PRDM16: variants seen among roughly 807,000 people sequenced by gnomAD.
PRDM16 encodes PR/SET domain 16, also known as histone-lysine N-methyltransferase PRDM16.
Under a neutral mutation model 110.6 loss-of-function variants are expected in PRDM16, and 23 were observed. The observed-to-expected ratio is 0.21, with a 90% CI of 0.15 to 0.29. The LOEUF (loss-of-function observed/expected upper bound fraction) is 0.29. Among genes scored for constraint, PRDM16 ranks in the 10% least tolerant of loss-of-function variants. The pLI is 1.00. For missense variants in PRDM16, 1,615 were observed against 1,794.3 expected (o/e 0.90, Z 1.81); for synonymous variants, 799 against 781.8 (o/e 1.02, Z -0.37).
chr1:3,129,380 C>T (rs534333100), intron 1 of PRDM16, among the ~76,000 whole-genome samples: 3 of 107,668 alleles, frequency 2.8e-5, no homozygotes, highest in Admixed American at 8.3e-5. Context: ...TGTGTGGGTG[C>T]GTGTGCACGT....
chr1:3,310,593 T>G (rs753818864), intron 3 of PRDM16, among the ~76,000 whole-genome samples: 39 of 152,254 alleles, frequency 2.6e-4, no homozygotes, highest in Non-Finnish European at 4.1e-4. Context: ...CGAGCCGGGT[T>G]ACTTGGTCCC....
rs1643113297 is a variant in PRDM16 at position 3,382,169 on chromosome 1, G to A, written c.439-2983G>A. Among the ~76,000 whole-genome samples the A allele has an allele frequency of 6.6e-6, 1 of 152,234 alleles. No individual in the cohort carries two copies. The highest frequency in any genetic ancestry group is 1.5e-5 in the Non-Finnish European group (1 of 68,022). ...CTGGGGAGGGGCCTCACCACGTGGG[G>A]CTGGTGGCCCTGGGTCTGCACCCTA... On this transcript the variant is annotated intron_variant, in intron 3 of 16. Transcript: ENST00000270722. The surrounding 1 kb of genome is among the most constrained non-coding windows in gnomAD (Gnocchi z 6.6).
chr1:3,417,877 T>C lies in PRDM16; in HGVS notation c.2741T>C (p.Met914Thr), dbSNP rs201304831. ...MTEKLESFAAMKADSGSSLQP... is the reference protein window; with the variant it reads ...MTEKLESFAATKADSGSSLQP... Reference sequence around the variant, plus strand: ...GAGAAGCTGGAGAGCTTTGCAGCCATGAAGGCGGACTCGGGCAGCTCCCTG... The same window carrying C: ...GAGAAGCTGGAGAGCTTTGCAGCCACGAAGGCGGACTCGGGCAGCTCCCTG... Residue 914 changes from methionine (M) to threonine (T), a missense_variant, in exon 11 of 17, where the codon ATG becomes ACG. Met to Thr is a moderately conservative substitution (Grantham distance 81). Coordinates refer to ENST00000270722, the MANE Select transcript of PRDM16 (RefSeq NM_022114.4). 118 of 1,613,886 alleles carry C rather than the reference T, an allele frequency of 7.3e-5. 1 individual carries two copies. The African/African-American group carries it at 1.4e-3, about 20-fold the overall frequency.
At chr1:3,291,861 G>C (rs967315998) in intron 3 of PRDM16, among the ~76,000 whole-genome samples, 1 of 152,210 alleles carries the variant, frequency 6.6e-6, no homozygotes, top group South Asian at 2.1e-4. Flanking sequence ...TTCTCTCCTC[G>C]AAGGGAACAG....
intron 1 of PRDM16, among the ~76,000 whole-genome samples, chr1:3,156,723 G>T (rs1012400452): frequency 6.6e-6 from 1 of 152,212 alleles, no homozygotes; most frequent in African/African-American, 2.4e-5. Context: ...TCCAGGTCAG[G>T]CTCACTACCC....
intron 3 of PRDM16, among the ~76,000 whole-genome samples, chr1:3,340,318 C>T (rs1055147479): frequency 3.3e-5 from 5 of 152,104 alleles, no homozygotes; most frequent in Non-Finnish European, 5.9e-5. Context: ...GGTGGCCTCT[C>T]CCTCCCTTCA....
intron 5 of PRDM16, among the ~76,000 whole-genome samples, chr1:3,399,127 G>A (rs72633318): frequency 4.6e-5 from 7 of 152,304 alleles, no homozygotes; most frequent in South Asian, 4.2e-4. Flanking sequence ...ATTCTCTTTC[G>A]TGAGAACTTT....
At chr1:3,402,554 C>A (rs1643490476) in intron 5 of PRDM16, among the ~76,000 whole-genome samples, 1 of 152,190 alleles carries the variant, frequency 6.6e-6, no homozygotes, top group African/African-American at 2.4e-5. Flanking sequence ...CTCTGAGGCA[C>A]AGATTGGGGG....
intron 2 of PRDM16, among the ~76,000 whole-genome samples, chr1:3,202,478 G>A (rs1276918131): frequency 6.6e-6 from 1 of 152,174 alleles, no homozygotes; most frequent in Non-Finnish European, 1.5e-5. Context: ...TTGGTCACAG[G>A]CGACTTCAGA....
chr1:3,310,469 C>T (rs1440025945), intron 3 of PRDM16, among the ~76,000 whole-genome samples: 2 of 152,202 alleles, frequency 1.3e-5, no homozygotes, highest in Non-Finnish European at 2.9e-5. Flanking sequence ...CTGTTTCTGG[C>T]ATCACAACCC....
chr1:3,375,233 GC>G (rs1642971419), intron 3 of PRDM16, among the ~76,000 whole-genome samples: 1 of 152,200 alleles, frequency 6.6e-6, no homozygotes, highest in Non-Finnish European at 1.5e-5. Context: ...AGGGGCCCAA[GC>G]CCTGCTGGTA....
At chr1:3,212,870 C>T (rs1049742123) in intron 2 of PRDM16, among the ~76,000 whole-genome samples, 6 of 152,222 alleles carry the variant, frequency 3.9e-5, no homozygotes, top group Non-Finnish European at 8.8e-5. Context: ...ACCCACCTGG[C>T]GAGGGGCCCT....
At chr1:3,125,851 G>C (rs1404152755) in intron 1 of PRDM16, among the ~76,000 whole-genome samples, 2 of 152,236 alleles carry the variant, frequency 1.3e-5, no homozygotes, top group East Asian at 3.9e-4. Context: ...ATTCATTAAG[G>C]ACCGGCTCCT....
chr1:3,333,296 G>A (rs546166566), intron 3 of PRDM16, among the ~76,000 whole-genome samples: 54 of 152,270 alleles, frequency 3.5e-4, no homozygotes, highest in African/African-American at 1.1e-3. Flanking sequence ...CCCCCTTGGC[G>A]TGGCAGGGGT....
chr1:3,115,062 T>C (rs978110184), intron 1 of PRDM16, among the ~76,000 whole-genome samples: 30 of 152,248 alleles, frequency 2.0e-4, no homozygotes, highest in Non-Finnish European at 1.3e-4. Context: ...TCAGCCACAG[T>C]GTGGGCCTGG....
chr1:3,114,809 C>T (rs1642918650), intron 1 of PRDM16, among the ~76,000 whole-genome samples: 2 of 152,262 alleles, frequency 1.3e-5, no homozygotes, highest in Admixed American at 1.3e-4. Flanking sequence ...CCTGCCCAGA[C>T]CATCCCAGGT....
intron 1 of PRDM16, among the ~76,000 whole-genome samples, chr1:3,098,564 C>T (rs1200946022): frequency 6.6e-6 from 1 of 152,170 alleles, no homozygotes; most frequent in African/African-American, 2.4e-5. Flanking sequence ...AGCCTGGCCT[C>T]CCTGGGCTTC....
chr1:3,313,703 C>T (rs112301226), intron 3 of PRDM16, among the ~76,000 whole-genome samples: 1,690 of 152,354 alleles, frequency 0.011, 40 homozygotes, highest in African/African-American at 0.038. Context: ...GCCGCAGTTG[C>T]TGACCCCAGG....
rs112643711 is a variant in PRDM16, at chr1:3,128,908, G to T, written c.38-57217G>T. ...GAGCCTGCCCTGGCCCCAGGTGGGG[G>T]TGCGCAGCCGTGGCCGGCAGCCTTG... On this transcript the variant is annotated intron_variant, in intron 1 of 16. Coordinates refer to ENST00000270722, the MANE Select transcript of PRDM16 (RefSeq NM_022114.4). Among the ~76,000 whole-genome samples the T allele has an allele frequency of 1.6e-3, 248 of 152,360 alleles. 1 individual carries two copies. Among genetic ancestry groups the T allele is most frequent in the African/African-American group, 5.8e-3 (240 of 41,582 alleles).
Sources: gnomAD v4.1 joint callset for allele counts (sites outside exome capture counted in the v4.1 genomes callset) on GRCh38, gnomAD v4.1.1 for gene constraint, Gnocchi (gnomAD v3.1) non-coding constraint, MANE v1.5 for transcripts, NCBI Gene and HGNC (gene_info 2026-07-23, HGNC 2026-07-21) for gene names.